The following CAMK1D variants were observed in gnomAD, a reference collection of about 807,000 sequenced individuals.
CAMK1D encodes calcium/calmodulin-dependent protein kinase type 1D.
In CAMK1D, 9 loss-of-function variants were observed where a neutral mutation model predicts 47.7. That is an observed-to-expected ratio of 0.19 (90% CI 0.11 to 0.33). CAMK1D has a LOEUF of 0.33. Ranked by LOEUF, CAMK1D falls within the 10% of genes least tolerant of loss-of-function variation. CAMK1D has a pLI of 1.00. For synonymous variants in CAMK1D, 184 were observed against 184.9 expected (o/e 0.99, Z 0.04); for missense variants, 291 against 488.7 (o/e 0.60, Z 3.81).
At chr10:12,557,948 A>G (rs1359347933) in intron 2 of CAMK1D, among the ~76,000 whole-genome samples, 1 of 152,210 alleles carries the variant, frequency 6.6e-6, no homozygotes, top group African/African-American at 2.4e-5. Context: ...TGCTCTGGAA[A>G]TTGTTTCAAA....
At chr10:12,554,148 C>G (rs1836684106) in intron 2 of CAMK1D, among the ~76,000 whole-genome samples, 1 of 150,140 alleles carries the variant, frequency 6.7e-6, no homozygotes, top group South Asian at 2.1e-4. Flanking sequence ...CCCCTTTGCT[C>G]CCCTCCCCTC....
At chr10:12,387,920 C>T (rs1838582131) in intron 1 of CAMK1D, among the ~76,000 whole-genome samples, 1 of 152,164 alleles carries the variant, frequency 6.6e-6, no homozygotes, top group African/African-American at 2.4e-5. Flanking sequence ...CCCCTGCTGG[C>T]GCCCCACCAA....
intron 1 of CAMK1D, among the ~76,000 whole-genome samples, chr10:12,366,102 C>G (rs908476568): frequency 6.6e-6 from 1 of 152,192 alleles, no homozygotes; most frequent in Non-Finnish European, 1.5e-5. Flanking sequence ...ACATTCACCT[C>G]TTGAAACATA....
intron 2 of CAMK1D, among the ~76,000 whole-genome samples, chr10:12,588,075 G>A (rs1023405162): frequency 6.6e-6 from 1 of 152,154 alleles, no homozygotes; most frequent in Non-Finnish European, 1.5e-5. Flanking sequence ...ATAATATAAA[G>A]TAAGTGAATA....
At chr10:12,523,682 C>T (rs12770255) in intron 1 of CAMK1D, among the ~76,000 whole-genome samples, 43,391 of 151,922 alleles carry the variant, frequency 0.29, 6,412 homozygotes, top group East Asian at 0.38. Context: ...TGCAGTGAGC[C>T]GAGATGGCAG....
At chr10:12,415,455 ATTTTT>A (rs5783266) in intron 1 of CAMK1D, among the ~76,000 whole-genome samples, 7 of 93,138 alleles carry the variant, frequency 7.5e-5, no homozygotes, top group Non-Finnish European at 1.3e-4. Context: ...CGCCTGGCTA[ATTTTT>A]TTTTTTTTTT....
chr10:12,353,933 T>TA (rs899220041), intron 1 of CAMK1D, among the ~76,000 whole-genome samples: 5 of 151,738 alleles, frequency 3.3e-5, no homozygotes, highest in African/African-American at 9.7e-5. Flanking sequence ...AAGCAAAAAA[T>TA]AAAAAAACCC....
intron 3 of CAMK1D, among the ~76,000 whole-genome samples, chr10:12,758,750 G>A (rs1836353260): frequency 6.6e-6 from 1 of 152,222 alleles, no homozygotes; most frequent in Non-Finnish European, 1.5e-5. Flanking sequence ...GGTTGGCCAG[G>A]TTTGGATCAT....
chr10:12,403,667 C>T (rs914108904), intron 1 of CAMK1D, among the ~76,000 whole-genome samples: 3 of 152,140 alleles, frequency 2.0e-5, no homozygotes, highest in Non-Finnish European at 4.4e-5. Context: ...AGAAACCTCC[C>T]TGTTAATGCA....
At chr10:12,704,169 C>CT (rs753822368) in intron 3 of CAMK1D, among the ~76,000 whole-genome samples, 2 of 151,924 alleles carry the variant, frequency 1.3e-5, no homozygotes, top group Non-Finnish European at 2.9e-5. Context: ...ATATTCATCC[C>CT]TTTTTTTCCA....
chr10:12,713,667 G>A (rs1021873150), intron 3 of CAMK1D, among the ~76,000 whole-genome samples: 1 of 152,194 alleles, frequency 6.6e-6, no homozygotes, highest in Non-Finnish European at 1.5e-5. Context: ...GCAGATGTTT[G>A]TTAGGATGTG....
intron 2 of CAMK1D, among the ~76,000 whole-genome samples, chr10:12,563,654 G>A (rs1184103010): frequency 7.5e-6 from 1 of 134,228 alleles, no homozygotes; most frequent in Admixed American, 7.6e-5. Context: ...TCCAGAAGAG[G>A]CGGAAGGTTT....
chr10:12,644,505 T>G (rs1413822653), intron 2 of CAMK1D, among the ~76,000 whole-genome samples: 2 of 152,194 alleles, frequency 1.3e-5, no homozygotes, highest in East Asian at 3.9e-4. Context: ...GTGCCTCTTC[T>G]CAGAGGTTGG....
Position 12,721,681 on chromosome 10 carries a change from G to A in CAMK1D, c.300-39267G>A, listed in dbSNP as rs371418971. Among the ~76,000 whole-genome samples, 26 of 152,292 alleles carry A rather than the reference G, an allele frequency of 1.7e-4. 1 individual carries two copies. Among genetic ancestry groups the A allele is most frequent in the Admixed American group, 6.5e-4 (10 of 15,296 alleles). ...CTTATTACCTAGCAGAGGGTAACCC[G>A]TAGTAACAGGTACACACATGCATGA... On this transcript the variant is annotated intron_variant, in intron 3 of 10. Transcript: ENST00000619168.
intron 3 of CAMK1D, among the ~76,000 whole-genome samples, chr10:12,741,323 A>T (rs1247678098): frequency 2.0e-5 from 3 of 152,130 alleles, no homozygotes; most frequent in Non-Finnish European, 2.9e-5. Context: ...GCCGGGTTAG[A>T]CCTAAGTTCA....
chr10:12,448,248 C>T (rs1317586908), intron 1 of CAMK1D, among the ~76,000 whole-genome samples: 2 of 152,090 alleles, frequency 1.3e-5, no homozygotes. Context: ...TGATCTTGAA[C>T]TCCTGGCCTC....
At chr10:12,435,182 C>G (rs1316446627) in intron 1 of CAMK1D, among the ~76,000 whole-genome samples, 1 of 138,686 alleles carries the variant, frequency 7.2e-6, no homozygotes, top group Non-Finnish European at 1.5e-5. Context: ...GAGATTGTGC[C>G]ACTGCACTCC....
intron 5 of CAMK1D, among the ~76,000 whole-genome samples, chr10:12,780,231 G>A (rs946634935): frequency 6.6e-6 from 1 of 152,128 alleles, no homozygotes; most frequent in South Asian, 2.1e-4. Context: ...CCAGCACAGT[G>A]TTGGGGCGAG....
At position 12,801,354 on chromosome 10, in the gene CAMK1D, T is replaced by TAATCTATCTATCTATCTATC. The variant is rs57429397; in HGVS notation, c.641+10121_641+10122insAATCTATCTATCTATCTATC. 4.1e-4 allele frequency among the ~76,000 whole-genome samples: 27 copies of TAATCTATCTATCTATCTATC among 66,564 alleles called. No individual in the cohort carries two copies. The East Asian group carries it at 6.5e-3, about 16-fold the overall frequency. 43.7% of individuals were successfully genotyped at this position (66,564 alleles called of 152,430 possible). Reference sequence around the variant, plus strand: ...CTATCTATCTATCTATCTATCTATCTTATCTATCTATCTATCTATCTATCT... The same window carrying TAATCTATCTATCTATCTATC: ...CTATCTATCTATCTATCTATCTATCTAATCTATCTATCTATCTATCTATCTATCTATCTATCTATCTATCT... On this transcript the variant is annotated intron_variant, in intron 6 of 10. Coordinates refer to ENST00000619168, the MANE Select transcript of CAMK1D (RefSeq NM_153498.4).
Sources: gnomAD v4.1 joint callset for allele counts (sites outside exome capture counted in the v4.1 genomes callset) on GRCh38, gnomAD v4.1.1 for gene constraint, MANE v1.5 for transcripts, NCBI Gene and HGNC (gene_info 2026-07-23, HGNC 2026-07-21) for gene names.